Variants in CAMTA1 observed in about 807,000 individuals in gnomAD.
CAMTA1 encodes the protein calmodulin-binding transcription activator 1.
A neutral mutation model predicts 170.9 loss-of-function variants in CAMTA1; 27 were observed. The observed-to-expected ratio is 0.16, with a 90% CI of 0.12 to 0.22. The LOEUF is 0.22. CAMTA1 is among the 10% of genes least tolerant of loss of function. CAMTA1 has a pLI of 1.00. For missense variants in CAMTA1, 1,619 were observed against 2,217.2 expected, an observed-to-expected ratio of 0.73 and a Z score of 5.42; for synonymous variants, 833 against 891.5, an observed-to-expected ratio of 0.93 and a Z score of 1.17.
At chr1:7,307,987 T>A (rs1338592801) in intron 5 of CAMTA1, among the ~76,000 whole-genome samples, 1 of 151,650 alleles carries the variant, frequency 6.6e-6, no homozygotes, top group Admixed American at 6.6e-5. Context: ...CCTAGAGAAT[T>A]TTTTTTTTCA....
At position 6,903,078 on chromosome 1, in the gene CAMTA1, A is replaced by G. The variant is rs576918628; in HGVS notation, c.234+77868A>G. The stretch of plus-strand genomic sequence containing the variant: ...TATCCATCAACTGAAGAATGAATAA[A>G]TTATTACAGTGGAATACTGCTGAGT... On this transcript the variant is annotated intron_variant, in intron 3 of 22. Transcript: ENST00000303635. Among the ~76,000 whole-genome samples, 5 of 152,376 alleles carry G rather than the reference A, an allele frequency of 3.3e-5. No homozygotes were observed. In the South Asian group the frequency reaches 6.2e-4, roughly 19 times the overall value.
At position 6,805,510 on chromosome 1, in the gene CAMTA1, C is replaced by T. The variant is rs942788548; in HGVS notation, c.46-14671C>T. ...TCTGATTCTGTGTGGGTTGTCTTTT[C>T]GCTTTTGTTTTTTGAGAGAGGGTCT... On this transcript the variant is annotated intron_variant, in intron 1 of 22. Transcript: ENST00000303635. Among the ~76,000 whole-genome samples, 12 of 152,134 alleles carry T rather than the reference C, an allele frequency of 7.9e-5. No homozygotes were observed. In the East Asian group the frequency reaches 1.4e-3, roughly 17 times the overall value.
At chr1:7,519,181 A>G (rs1210452859) in intron 6 of CAMTA1, among the ~76,000 whole-genome samples, 1 of 152,130 alleles carries the variant, frequency 6.6e-6, no homozygotes, top group Non-Finnish European at 1.5e-5. Context: ...GTGAGATGCC[A>G]GAGGTGCCCT....
intron 3 of CAMTA1, among the ~76,000 whole-genome samples, chr1:6,949,289 G>GTGGGGATTGAGTGGGATAAT: frequency 6.6e-6 from 1 of 152,226 alleles, no homozygotes; most frequent in Non-Finnish European, 1.5e-5. Context: ...CTAGCAGATA[G>GTGGGGATTGAGTGGGATAAT]GGCTGGGGCC....
At chr1:7,756,810 T>G (rs894444611) in intron 22 of CAMTA1, among the ~76,000 whole-genome samples, 2 of 152,068 alleles carry the variant, frequency 1.3e-5, no homozygotes, top group African/African-American at 4.8e-5. Flanking sequence ...AACATGCCAC[T>G]GCACTCCAGC....
chr1:7,618,391 T>A (rs2095574458), intron 6 of CAMTA1, among the ~76,000 whole-genome samples: 1 of 152,212 alleles, frequency 6.6e-6, no homozygotes, highest in Non-Finnish European at 1.5e-5. Context: ...TTCCCAATTC[T>A]ATGCCCACTC....
intron 5 of CAMTA1, among the ~76,000 whole-genome samples, chr1:7,402,744 G>T (rs2089998074): frequency 6.6e-6 from 1 of 152,188 alleles, no homozygotes; most frequent in Non-Finnish European, 1.5e-5. Flanking sequence ...GCAGAAGCTG[G>T]TGGAGACTTG....
At chr1:7,692,509 G>C (rs998033367) in intron 11 of CAMTA1, among the ~76,000 whole-genome samples, 1 of 152,044 alleles carries the variant, frequency 6.6e-6, no homozygotes, top group Non-Finnish European at 1.5e-5. Flanking sequence ...CCTGGTGAAG[G>C]AAAGAAAGAA....
chr1:7,069,560 T>A (rs12133427), intron 3 of CAMTA1, among the ~76,000 whole-genome samples: 54,115 of 151,910 alleles, frequency 0.36, 9,940 homozygotes, highest in Non-Finnish European at 0.4. Context: ...GCGGACCGTT[T>A]GGGCCATCTG....
At position 6,899,544 on chromosome 1, in the gene CAMTA1, A is replaced by ACG. The variant is rs963107725; in HGVS notation, c.234+74344_234+74345dup. Among the ~76,000 whole-genome samples, 499 of 102,684 alleles carry ACG rather than the reference A, an allele frequency of 4.9e-3. 2 individuals are homozygous for ACG. Among genetic ancestry groups the ACG allele is most frequent in the African/African-American group, 8.7e-3 (215 of 24,780 alleles). The allele number at this position is 102,684 out of a possible 152,430, so 67.4% of individuals were successfully genotyped here. On this transcript the variant is annotated intron_variant, in intron 3 of 22. Transcript: ENST00000303635. ...AAAAAATTATATGTGTATAACGCGC[A>ACG]CGCGCGCGCGCACACACACACACAC...
intron 6 of CAMTA1, among the ~76,000 whole-genome samples, chr1:7,491,596 A>T (rs1315729831): frequency 6.6e-6 from 1 of 151,800 alleles, no homozygotes; most frequent in Non-Finnish European, 1.5e-5. Context: ...CACTTCGGTG[A>T]TTTTTTTTTC....
At chr1:7,274,021 A>G (rs1301216122) in intron 5 of CAMTA1, among the ~76,000 whole-genome samples, 1 of 152,198 alleles carries the variant, frequency 6.6e-6, no homozygotes, top group Non-Finnish European at 1.5e-5. Flanking sequence ...AGACTCAAAA[A>G]TATTCAAATT....
intron 3 of CAMTA1, among the ~76,000 whole-genome samples, chr1:6,961,595 CAT>C (rs1690422851): frequency 8.7e-6 from 1 of 114,820 alleles, no homozygotes; most frequent in Non-Finnish European, 1.6e-5. Flanking sequence ...TTCCTTGACA[CAT>C]AGTTCTGGAG....
chr1:6,792,854 A>G (rs1012395656), intron 1 of CAMTA1, among the ~76,000 whole-genome samples: 1 of 152,128 alleles, frequency 6.6e-6, no homozygotes, highest in Admixed American at 6.5e-5. Flanking sequence ...TTGGGGCTGT[A>G]TTCATCACTC....
rs187229306 is a variant in CAMTA1 at position 7,042,073 on chromosome 1, G to T, written c.235-49231G>T. On this transcript the variant is annotated intron_variant, in intron 3 of 22. Coordinates refer to ENST00000303635, the MANE Select transcript of CAMTA1 (RefSeq NM_015215.4). The stretch of plus-strand genomic sequence containing the variant: ...TGGGGATAGGGTGATAGAGGTGCTT[G>T]CTTGTGCTAAGGTTTGTTCCAGGAT... 3.3e-3 allele frequency among the ~76,000 whole-genome samples: 500 copies of T among 149,434 alleles called. 6 individuals carry two copies. Among genetic ancestry groups the T allele is most frequent in the African/African-American group, 0.012 (477 of 41,474 alleles).
At position 7,674,703 on chromosome 1, in the gene CAMTA1, G is replaced by T. The variant is rs1003310923; in HGVS notation, c.2780-2896G>T. 3.3e-5 allele frequency among the ~76,000 whole-genome samples: 5 copies of T among 152,156 alleles called. No individual in the cohort carries two copies. The highest frequency in any genetic ancestry group is 3.3e-4 in the Admixed American group (5 of 15,272). On this transcript the variant is annotated intron_variant, in intron 10 of 22. Transcript: ENST00000303635. This position sits in a 1 kb window ranked among gnomAD's most constrained non-coding sequence, Gnocchi z 4.1. ...GCAGGAGAATCACCTGAACCTGGCAGGTGGAGGTTGCAGTGAGCCAAGATC... is the reference window on the plus strand; with the variant it reads ...GCAGGAGAATCACCTGAACCTGGCATGTGGAGGTTGCAGTGAGCCAAGATC...
chr1:7,258,568 G>T (rs1018433787), intron 5 of CAMTA1, among the ~76,000 whole-genome samples: 1 of 152,202 alleles, frequency 6.6e-6, no homozygotes, highest in African/African-American at 2.4e-5. Flanking sequence ...CAACCTGGAT[G>T]TTTGCAAGCA....
intron 3 of CAMTA1, among the ~76,000 whole-genome samples, chr1:6,931,895 C>T (rs913641240): frequency 2.0e-5 from 3 of 152,192 alleles, no homozygotes; most frequent in South Asian, 2.1e-4. Flanking sequence ...TTTCTACCAT[C>T]GGTCACAGGC....
At chr1:7,617,986 T>TCACC (rs1256149748) in intron 6 of CAMTA1, among the ~76,000 whole-genome samples, 2 of 152,112 alleles carry the variant, frequency 1.3e-5, no homozygotes, top group Non-Finnish European at 2.9e-5. Context: ...GGACAAGAAG[T>TCACC]CACCCCTGTA....
Sources: gnomAD v4.1 joint callset for allele counts (sites outside exome capture counted in the v4.1 genomes callset) on GRCh38, gnomAD v4.1.1 for gene constraint, Gnocchi (gnomAD v3.1) non-coding constraint, MANE v1.5 for transcripts, NCBI Gene and HGNC (gene_info 2026-07-23, HGNC 2026-07-21) for gene names.